Variants in MTM1 observed in about 807,000 individuals in gnomAD.
MTM1 encodes myotubularin.
A neutral mutation model predicts 52.1 loss-of-function variants in MTM1; 9 were observed. The ratio of observed to expected loss-of-function variants is 0.17; its 90% confidence interval spans 0.10 to 0.30. MTM1 has a LOEUF of 0.30. Ranked by LOEUF, MTM1 falls within the 10% of genes least tolerant of loss-of-function variation. The pLI is 1.00. For missense variants in MTM1, 277 were observed against 470.7 expected (o/e 0.59, Z 3.81); for synonymous variants, 136 against 163.8 (o/e 0.83, Z 1.29).
chrX:150,578,160 G>A (rs781881734), intron 1 of MTM1, among the ~76,000 whole-genome samples: 1 of 112,306 alleles, frequency 8.9e-6, no homozygotes, highest in Admixed American at 9.4e-5. Context: ...GGTCCTCCCC[G>A]AGGTGAGATT....
rs189520562 is a variant in MTM1 at position 150,650,012 on chromosome X, T to G, written c.1053+111T>G. 6.1e-6 allele frequency: 4 copies of G among 657,588 alleles called. No individual in the cohort carries two copies. The African/African-American group carries it at 8.9e-5, about 15-fold the overall frequency. The allele number at this position is 657,588 out of a possible 1,213,427, so 54.2% of individuals were successfully genotyped here. ...AAAATGGACATTGAGAGATAAACTT[T>G]GTAGTAGAGGACCACATTTAACAGT... On this transcript the variant is annotated intron_variant, in intron 10 of 14. Coordinates refer to ENST00000370396, the MANE Select transcript of MTM1 (RefSeq NM_000252.3).
chrX:150,610,620 G>A (rs1557412963), intron 4 of MTM1, among the ~76,000 whole-genome samples: 2 of 111,853 alleles, frequency 1.8e-5, no homozygotes, highest in Non-Finnish European at 3.8e-5. Context: ...CCTGGATCTT[G>A]CAGTTTGGCC....
At chrX:150,565,577 C>G (rs1220414940), upstream of MTM1, among the ~76,000 whole-genome samples, 1 of 111,032 alleles carries the variant, frequency 9.0e-6, no homozygotes, top group African/African-American at 3.3e-5. Flanking sequence ...GGAGAAGTAG[C>G]AGGAAACAGG....
intron 2 of MTM1, 138 bp from the exon 3 acceptor site, chrX:150,596,359 TG>T (rs782308353): frequency 2.0e-6 from 1 of 489,827 alleles, no homozygotes; most frequent in East Asian, 3.9e-5. Flanking sequence ...TTTGAATTTT[TG>T]TGCCAGTTTT....
intron 14 of MTM1, among the ~76,000 whole-genome samples, chrX:150,669,075 T>A (rs2040353753): frequency 9.0e-6 from 1 of 110,780 alleles, no homozygotes; most frequent in Non-Finnish European, 1.9e-5. Context: ...TTCCCCTCTC[T>A]GTGTCCATGT....
intron 6 of MTM1, among the ~76,000 whole-genome samples, chrX:150,621,570 G>A (rs1486419816): frequency 2.7e-5 from 3 of 109,861 alleles, no homozygotes; most frequent in African/African-American, 1.0e-4. Flanking sequence ...GCTGCACAGG[G>A]CTGCCCTATG....
intron 9 of MTM1, among the ~76,000 whole-genome samples, chrX:150,649,044 C>T (rs1172168880): frequency 1.8e-5 from 2 of 112,609 alleles, no homozygotes; most frequent in Non-Finnish European, 3.8e-5. Flanking sequence ...GCAAGAGTCA[C>T]AGTACCTGGG....
intron 10 of MTM1, among the ~76,000 whole-genome samples, chrX:150,657,000 T>C (rs1310478408): frequency 1.8e-5 from 2 of 110,852 alleles, no homozygotes; most frequent in East Asian, 2.8e-4. Flanking sequence ...TGTGGAGAAA[T>C]AAGAACACTT....
At chrX:150,634,679 GC>G (rs2039726682) in intron 6 of MTM1, among the ~76,000 whole-genome samples, 2 of 111,144 alleles carry the variant, frequency 1.8e-5, no homozygotes, top group Admixed American at 1.9e-4. Flanking sequence ...TTGATGAAAT[GC>G]CCAAATACTA....
chrX:150,657,829 G>T lies in MTM1; in HGVS notation c.1062G>T (p.Leu354Phe). Residue 354 changes from leucine (L) to phenylalanine (F), a missense_variant, in exon 11 of 15, where the codon TTG becomes TTT. Leu to Phe is a conservative substitution (Grantham distance 22, BLOSUM62 0). This residue lies in a region of MTM1 where 164 missense variants were observed against 283.3 expected (regional missense o/e 0.58). Transcript: ENST00000370396. ...THWLEHIKLV[L>F]TGAIQVADKV... ...GTATTTTTCTTTGTCAGCTCGTTTTGACAGGAGCCATTCAAGTAGCAGACA... is the reference window on the plus strand; with the variant it reads ...GTATTTTTCTTTGTCAGCTCGTTTTTACAGGAGCCATTCAAGTAGCAGACA... 1 of 1,211,029 alleles carries T rather than the reference G, an allele frequency of 8.3e-7. No homozygotes were observed. Among genetic ancestry groups the T allele is most frequent in the Non-Finnish European group, 1.1e-6 (1 of 895,100 alleles).
At chrX:150,589,230 T>C (rs1213229102) in intron 1 of MTM1, among the ~76,000 whole-genome samples, 1 of 110,663 alleles carries the variant, frequency 9.0e-6, no homozygotes, top group Non-Finnish European at 1.9e-5. Flanking sequence ...CAGGGAGACC[T>C]AGGCTAGAGT....
chrX:150,605,268 AAGC>A (rs1257205210), intron 4 of MTM1, among the ~76,000 whole-genome samples: 1 of 111,913 alleles, frequency 8.9e-6, no homozygotes, highest in Non-Finnish European at 1.9e-5. Flanking sequence ...AATGTGGAGG[AAGC>A]TAAAGGAATG....
intron 14 of MTM1, among the ~76,000 whole-genome samples, chrX:150,669,723 CTTTTA>C (rs1227711951): frequency 9.0e-6 from 1 of 111,622 alleles, no homozygotes; most frequent in Admixed American, 9.5e-5. Context: ...GGTTGTTTAT[CTTTTA>C]TTTTTATAAA....
At chrX:150,623,395 G>C (rs1034405828) in intron 6 of MTM1, among the ~76,000 whole-genome samples, 1 of 110,179 alleles carries the variant, frequency 9.1e-6, no homozygotes, top group Non-Finnish European at 1.9e-5. Context: ...TTTGTTTTTT[G>C]GGGTTTTTTT....
chrX:150,564,554 T>G (rs982668843), upstream of MTM1, among the ~76,000 whole-genome samples: 1 of 111,007 alleles, frequency 9.0e-6, no homozygotes, highest in African/African-American at 3.3e-5. Context: ...GGCTATTTTT[T>G]GTATTTTTAG....
At chrX:150,576,035 T>C (rs1449690186) in intron 1 of MTM1, among the ~76,000 whole-genome samples, 1 of 111,519 alleles carries the variant, frequency 9.0e-6, no homozygotes, top group Non-Finnish European at 1.9e-5. Context: ...TAGTATAACT[T>C]TGTAGCATTA....
chrX:150,605,992 G>A (rs1486466643), intron 4 of MTM1, among the ~76,000 whole-genome samples: 3 of 105,757 alleles, frequency 2.8e-5, no homozygotes, highest in South Asian at 8.4e-4. Context: ...GATTCCTGTA[G>A]TATTTTTTCC....
intron 2 of MTM1, 110 bp downstream of exon 2, chrX:150,592,787 C>A: frequency 1.9e-6 from 1 of 529,050 alleles, no homozygotes; most frequent in Non-Finnish European, 3.3e-6. Flanking sequence ...ATTATTCATT[C>A]ACATATAAAT....
rs781823068 is a variant in MTM1, at chrX:150,661,717, G to A, written c.1467+1233G>A. 6.3e-4 allele frequency among the ~76,000 whole-genome samples: 70 copies of A among 111,590 alleles called. 1 individual carries two copies. The highest frequency in any genetic ancestry group is 2.2e-3 in the African/African-American group (69 of 30,727). ...TACCACATGATTTCCCTTATGTGTG[G>A]AATCTAAGAAAACTTGAACCTATAG... On this transcript the variant is annotated intron_variant, in intron 13 of 14. Transcript: ENST00000370396.
Sources: allele counts gnomAD v4.1 joint callset (sites outside exome capture counted in the v4.1 genomes callset), GRCh38; gene constraint gnomAD v4.1.1; regional missense constraint gnomAD v4.1.1; transcripts MANE v1.5; gene names NCBI Gene and HGNC (gene_info 2026-07-23, HGNC 2026-07-21).